The following DKK2 variants were observed in gnomAD, a reference collection of about 807,000 sequenced individuals.
DKK2 encodes the protein dickkopf Wnt signaling pathway inhibitor 2, also known as dickkopf-related protein 2.
A neutral mutation model predicts 28.1 loss-of-function variants in DKK2; 11 were observed. The ratio of observed to expected loss-of-function variants is 0.39; its 90% CI spans 0.25 to 0.65. The LOEUF is 0.65. DKK2 is among the 30% of genes least tolerant of loss of function. DKK2 has a pLI of 0.47. For missense variants in DKK2, 326 were observed against 335.5 expected (o/e 0.97, Z 0.22); for synonymous variants, 135 against 126.5 (o/e 1.07, Z -0.45).
Position 107,036,310 on chromosome 4 carries a change from T to A in DKK2, c.-719A>T, listed in dbSNP as rs554725541. On this transcript the variant is annotated 5_prime_UTR_variant, in exon 1 of 4. Transcript: ENST00000285311. ...CGCGGGCTCCCGCTTTCTCTCTCTCTGCTCTCTCCCCAGTCCTCTTTGCTT... is the reference window on the plus strand; with the variant it reads ...CGCGGGCTCCCGCTTTCTCTCTCTCAGCTCTCTCCCCAGTCCTCTTTGCTT... 1 of 151,100 alleles carries A rather than the reference T, an allele frequency of 6.6e-6. No individual in the cohort carries two copies. The highest frequency in any genetic ancestry group is 2.4e-5 in the African/African-American group (1 of 41,226). The allele number at this position is 151,100 out of a possible 1,614,324, so 9.4% of individuals were successfully genotyped here. A position where few individuals can be genotyped will look rare whatever the true frequency, so the allele number is the denominator to read the frequency against.
intron 1 of DKK2, among the ~76,000 whole-genome samples, chr4:106,958,106 A>C (rs1722628003): frequency 6.6e-6 from 1 of 150,464 alleles, no homozygotes; most frequent in African/African-American, 2.4e-5. Flanking sequence ...GAAATGATTG[A>C]TGGAATGATA....
intron 1 of DKK2, among the ~76,000 whole-genome samples, chr4:106,954,162 T>C (rs1395269560): frequency 6.6e-6 from 1 of 152,212 alleles, no homozygotes; most frequent in African/African-American, 2.4e-5. Flanking sequence ...GATGGAAAGT[T>C]GTCTCCTCTC....
chr4:106,969,319 C>A (rs541268042), intron 1 of DKK2, among the ~76,000 whole-genome samples: 1 of 151,802 alleles, frequency 6.6e-6, no homozygotes, highest in Admixed American at 6.6e-5. Flanking sequence ...CAGGGCTCAT[C>A]TCAGATGCTC....
chr4:107,025,083 C>T (rs914103557), intron 1 of DKK2, among the ~76,000 whole-genome samples: 14 of 152,182 alleles, frequency 9.2e-5, no homozygotes, highest in Admixed American at 1.3e-4. Context: ...GAGGTCCATC[C>T]CTCTAAGTCA....
intron 1 of DKK2, among the ~76,000 whole-genome samples, chr4:106,966,264 A>T (rs1206724193): frequency 6.6e-6 from 1 of 152,072 alleles, no homozygotes; most frequent in Non-Finnish European, 1.5e-5. Context: ...AATAATTGTG[A>T]CTCTGCTAAA....
chr4:106,950,624 G>C (rs569072965), intron 1 of DKK2, among the ~76,000 whole-genome samples: 1 of 152,002 alleles, frequency 6.6e-6, no homozygotes, highest in Non-Finnish European at 1.5e-5. Flanking sequence ...TCATCTTCCC[G>C]CCGTTATTCC....
At chr4:106,973,852 G>GT (rs1426353074) in intron 1 of DKK2, among the ~76,000 whole-genome samples, 12 of 152,046 alleles carry the variant, frequency 7.9e-5, no homozygotes, top group Admixed American at 2.0e-4. Context: ...TTCCTCTAAG[G>GT]TTTTTTATTG....
chr4:107,021,647 T>G (rs1355292694), intron 1 of DKK2, among the ~76,000 whole-genome samples: 1 of 152,096 alleles, frequency 6.6e-6, no homozygotes, highest in Non-Finnish European at 1.5e-5. Flanking sequence ...TCCCCATACT[T>G]CTACTTCCCT....
chr4:106,948,887 C>G (rs1724818058), intron 1 of DKK2, among the ~76,000 whole-genome samples: 1 of 152,090 alleles, frequency 6.6e-6, no homozygotes, highest in Non-Finnish European at 1.5e-5. Context: ...TAATCACTAG[C>G]CAAGTCAGAT....
chr4:106,957,440 A>G (rs1722611712), intron 1 of DKK2, among the ~76,000 whole-genome samples: 1 of 152,088 alleles, frequency 6.6e-6, no homozygotes, highest in Admixed American at 6.6e-5. Context: ...GCTGCTGTAA[A>G]GACACAGGCA....
intron 1 of DKK2, among the ~76,000 whole-genome samples, chr4:106,945,410 T>C (rs922535497): frequency 6.6e-6 from 1 of 152,120 alleles, no homozygotes; most frequent in Non-Finnish European, 1.5e-5. Flanking sequence ...ATGAACCAGT[T>C]AGAGGAGTAA....
chr4:106,982,983 AAAGAAAGAG>A (rs1009743505), intron 1 of DKK2, among the ~76,000 whole-genome samples: 1 of 151,480 alleles, frequency 6.6e-6, no homozygotes, highest in Non-Finnish European at 1.5e-5. Flanking sequence ...AAAGAGAAAG[AAAGAAAGAG>A]AAAAGAAAAG....
chr4:107,008,739 A>G (rs1191191107), intron 1 of DKK2, among the ~76,000 whole-genome samples: 1 of 151,980 alleles, frequency 6.6e-6, no homozygotes, highest in Admixed American at 6.6e-5. Flanking sequence ...ATGAACTTCA[A>G]ATTATTTACT....
chr4:107,029,798 A>G (rs1723849097), intron 1 of DKK2, among the ~76,000 whole-genome samples: 2 of 152,012 alleles, frequency 1.3e-5, no homozygotes, highest in African/African-American at 4.8e-5. Context: ...AAAATTGTAG[A>G]TTTGTTCTTT....
chr4:106,982,661 G>A (rs547456500), intron 1 of DKK2, among the ~76,000 whole-genome samples: 14 of 152,024 alleles, frequency 9.2e-5, no homozygotes, highest in Non-Finnish European at 2.1e-4. Context: ...TAGCACAAAG[G>A]TGTCAAACCT....
In DKK2 at chr4:106,960,114, T is replaced by TTATATATA. The variant is rs3082967; in HGVS notation, c.223-34173_223-34166dup. On this transcript the variant is annotated intron_variant, in intron 1 of 3. Transcript: ENST00000285311. Reference sequence around the variant, plus strand: ...TCAGCTGATGTGCAGAGAAAAAATGTTATATATATATATATATACACACAC... The same window carrying TTATATATA: ...TCAGCTGATGTGCAGAGAAAAAATGTTATATATATATATATATATATATATACACACAC... Among the ~76,000 whole-genome samples, 841 of 146,438 alleles carry TTATATATA rather than the reference T, an allele frequency of 5.7e-3. 7 individuals are homozygous for TTATATATA. Among genetic ancestry groups the TTATATATA allele is most frequent in the African/African-American group, 0.019 (776 of 39,838 alleles).
intron 1 of DKK2, among the ~76,000 whole-genome samples, chr4:106,940,006 C>T (rs1276113725): frequency 2.0e-5 from 3 of 152,108 alleles, no homozygotes; most frequent in Non-Finnish European, 4.4e-5. Flanking sequence ...CATAAAAACC[C>T]TAGAAGAAAA....
At chr4:106,935,268 C>T (rs566582558) in intron 1 of DKK2, among the ~76,000 whole-genome samples, 26 of 152,240 alleles carry the variant, frequency 1.7e-4, no homozygotes, top group Admixed American at 1.2e-3. Flanking sequence ...GCACCGTGTG[C>T]GAGCCAAAGC....
chr4:106,949,402 G>T (rs1374342445), intron 1 of DKK2, among the ~76,000 whole-genome samples: 1 of 152,120 alleles, frequency 6.6e-6, no homozygotes, highest in Non-Finnish European at 1.5e-5. Context: ...TTCTCTGTGG[G>T]TGGGTGGCTA....
Sources: gnomAD v4.1 joint callset for allele counts (sites outside exome capture counted in the v4.1 genomes callset) on GRCh38, gnomAD v4.1.1 for gene constraint, MANE v1.5 for transcripts, NCBI Gene and HGNC (gene_info 2026-07-23, HGNC 2026-07-21) for gene names.